Variants in ERG observed in about 807,000 individuals in gnomAD.
ERG encodes transcriptional regulator ERG.
ERG carries 9 observed loss-of-function variants against 55.3 expected under a neutral mutation model. That is an observed-to-expected ratio of 0.16 (90% CI 0.10 to 0.28). ERG has a LOEUF of 0.28. ERG is among the 10% of genes least tolerant of loss of function. The pLI is 1.00. For synonymous variants in ERG, 223 were observed against 237.3 expected (o/e 0.94, Z 0.55); for missense variants, 434 against 631.6 (o/e 0.69, Z 3.35).
intron 2 of ERG, among the ~76,000 whole-genome samples, chr21:38,429,721 CTATA>C (rs557957587): frequency 8.7e-6 from 1 of 114,288 alleles, no homozygotes; most frequent in Admixed American, 8.8e-5. Context: ...GCATATATGT[CTATA>C]TATATGTGTG....
rs748796976 is a variant in ERG at position 38,498,429 on chromosome 21, G to T, written c.-49C>A. ...TTAATAAATGTTAATAATAATTATT[G>T]CTTCTCTCTGACCAGAAAGTAGTTT... On this transcript the variant is annotated 5_prime_UTR_variant, in exon 1 of 10. Coordinates refer to ENST00000288319, the MANE Select transcript of ERG (RefSeq NM_182918.4). This position sits in a 1 kb window ranked among gnomAD's most constrained non-coding sequence, Gnocchi z 4.6. The T allele has an allele frequency of 6.3e-7, 1 of 1,592,934 alleles. No individual in the cohort carries two copies. The highest frequency in any genetic ancestry group is 8.6e-7 in the Non-Finnish European group (1 of 1,168,390).
chr21:38,492,341 T>C (rs2059343600), intron 1 of ERG, among the ~76,000 whole-genome samples: 2 of 152,256 alleles, frequency 1.3e-5, no homozygotes, highest in Admixed American at 6.5e-5. Flanking sequence ...ATACTACAGC[T>C]ACATTTTTTA....
chr21:38,381,874 C>T lies in ERG; in HGVS notation c.*1529G>A, dbSNP rs1005765040. 5.6e-6 allele frequency: 6 copies of T among 1,063,628 alleles called. No homozygotes were observed. The highest frequency in any genetic ancestry group is 5.0e-5 in the East Asian group (1 of 19,872). 65.9% of individuals were successfully genotyped at this position (1,063,628 alleles called of 1,614,324 possible). A position where few individuals can be genotyped will look rare whatever the true frequency, so the allele number is the denominator to read the frequency against. On this transcript the variant is annotated 3_prime_UTR_variant, in exon 10 of 10. Coordinates refer to ENST00000288319, the MANE Select transcript of ERG (RefSeq NM_182918.4). ...AAGAAGGACCTGGAGAGGCTGACGC[C>T]ATTTGGGTGCCAAACATCCTATTTC...
intron 2 of ERG, among the ~76,000 whole-genome samples, chr21:38,552,271 C>T (rs184122527): frequency 6.6e-6 from 1 of 152,274 alleles, no homozygotes; most frequent in East Asian, 1.9e-4. Context: ...AGAGCTACTA[C>T]CAATCCTACT....
At position 38,564,016 on chromosome 21, in the gene ERG, T is replaced by C. The variant is rs532776660; in HGVS notation, c.-41+11646A>G. On this transcript the variant is annotated intron_variant, in intron 2 of 8. Transcript: ENST00000398897. ...CTTTTCTGATTGGTTTATGCCCCTT[T>C]CCAATTACTGTGTCCATGCTAATTA... Among the ~76,000 whole-genome samples, 12 of 152,228 alleles carry C rather than the reference T, an allele frequency of 7.9e-5. No homozygotes were observed. In the East Asian group the frequency reaches 1.9e-3, roughly 24 times the overall value.
At chr21:38,540,009 AC>A (rs2059740989) in intron 2 of ERG, among the ~76,000 whole-genome samples, 1 of 148,122 alleles carries the variant, frequency 6.8e-6, no homozygotes, top group Admixed American at 6.9e-5. Context: ...CAATTCTCCT[AC>A]CTCAGCCTCC....
chr21:38,632,457 T>A (rs971742252), intron 1 of ERG, among the ~76,000 whole-genome samples: 2 of 152,186 alleles, frequency 1.3e-5, no homozygotes, highest in African/African-American at 4.8e-5. Flanking sequence ...TCCACCCAAG[T>A]CTCACCTTGA....
At chr21:38,534,139 T>A (rs971997773) in intron 2 of ERG, among the ~76,000 whole-genome samples, 1 of 152,146 alleles carries the variant, frequency 6.6e-6, no homozygotes, top group African/African-American at 2.4e-5. Context: ...CTCAAGTATT[T>A]CCGAAGACAG....
chr21:38,435,538 A>C (rs1384242519), intron 2 of ERG, among the ~76,000 whole-genome samples: 1 of 152,002 alleles, frequency 6.6e-6, no homozygotes, highest in Non-Finnish European at 1.5e-5. Context: ...TCTCTCTTAC[A>C]CCTGGAATTT....
At chr21:38,627,914 T>C (rs2060334389) in intron 1 of ERG, among the ~76,000 whole-genome samples, 1 of 151,340 alleles carries the variant, frequency 6.6e-6, no homozygotes, top group African/African-American at 2.4e-5. Flanking sequence ...TGGCTAACTC[T>C]GGAGAGAAAT....
chr21:38,446,449 TATGTTTATATTCTACAGCCA>T, intron 1 of ERG, among the ~76,000 whole-genome samples: 1 of 152,304 alleles, frequency 6.6e-6, no homozygotes, highest in South Asian at 2.1e-4. Context: ...AGCCAATGGC[TATGTTTATATTCTACAGCCA>T]ATGAGCAACG....
chr21:38,655,473 A>T (rs553959185), intron 1 of ERG, among the ~76,000 whole-genome samples: 5 of 152,102 alleles, frequency 3.3e-5, no homozygotes, highest in Admixed American at 6.6e-5. Context: ...AGCATCTCCC[A>T]CCATACATTG....
chr21:38,406,913 G>A (rs759049267), intron 3 of ERG, among the ~76,000 whole-genome samples: 1 of 152,104 alleles, frequency 6.6e-6, no homozygotes, highest in Non-Finnish European at 1.5e-5. Context: ...AGGGAATCAG[G>A]TGCAAGACCC....
intron 1 of ERG, among the ~76,000 whole-genome samples, chr21:38,645,162 A>G (rs576811327): frequency 2.0e-5 from 3 of 152,326 alleles, no homozygotes; most frequent in African/African-American, 7.2e-5. Flanking sequence ...CTGTCTCAGA[A>G]AAAAATAAAC....
chr21:38,493,541 T>C (rs1457153479), intron 1 of ERG, among the ~76,000 whole-genome samples: 1 of 152,230 alleles, frequency 6.6e-6, no homozygotes, highest in African/African-American at 2.4e-5. Context: ...GTTTATAATT[T>C]ATGCTAAAGA....
chr21:38,510,849 TA>T (rs2059506461), intron 2 of ERG, among the ~76,000 whole-genome samples: 1 of 152,230 alleles, frequency 6.6e-6, no homozygotes, highest in African/African-American at 2.4e-5. Context: ...GAGCCAGGAA[TA>T]AAAGCTCACT....
intron 3 of ERG, among the ~76,000 whole-genome samples, chr21:38,417,604 C>T (rs1438333578): frequency 2.6e-5 from 4 of 152,074 alleles, no homozygotes; most frequent in African/African-American, 7.2e-5. Context: ...GCCTTGCCAA[C>T]ATGGTGAAAC....
intron 3 of ERG, among the ~76,000 whole-genome samples, chr21:38,413,047 G>A (rs1989131001): frequency 6.6e-6 from 1 of 152,162 alleles, no homozygotes; most frequent in Non-Finnish European, 1.5e-5. Context: ...GGTAATGACA[G>A]GCTCAGTTCC....
At chr21:38,577,495 G>C (rs1210382701) in intron 1 of ERG, among the ~76,000 whole-genome samples, 3 of 152,020 alleles carry the variant, frequency 2.0e-5, no homozygotes, top group Non-Finnish European at 2.9e-5. Flanking sequence ...GAGAGTTACT[G>C]AAAGTACAGA....
Sources: gnomAD v4.1 joint callset for allele counts (sites outside exome capture counted in the v4.1 genomes callset) on GRCh38, gnomAD v4.1.1 for gene constraint, Gnocchi (gnomAD v3.1) non-coding constraint, MANE v1.5 for transcripts, NCBI Gene and HGNC (gene_info 2026-07-23, HGNC 2026-07-21) for gene names.